The following ABCC8 variants were observed in gnomAD, a reference collection of about 807,000 sequenced individuals.
ABCC8 encodes ATP-binding cassette sub-family C member 8.
ABCC8 carries 137 observed loss-of-function variants against 188.0 expected under a neutral mutation model. The ratio of observed to expected loss-of-function variants is 0.73; its 90% CI spans 0.63 to 0.84. The LOEUF (loss-of-function observed/expected upper bound fraction) is 0.84. Ranked by LOEUF, ABCC8 falls within the 40% of genes least tolerant of loss-of-function variation. The pLI, the probability that ABCC8 is intolerant of heterozygous loss-of-function variation, is 0.00. For synonymous variants in ABCC8, 797 were observed against 846.5 expected (o/e 0.94, Z 1.01); for missense variants, 1,750 against 2,072.7 (o/e 0.84, Z 3.02).
intron 3 of ABCC8, among the ~76,000 whole-genome samples, chr11:17,467,741 T>G (rs1442959947): frequency 2.0e-5 from 3 of 152,102 alleles, no homozygotes. Context: ...CCAATACCCA[T>G]TTCCTTCTGT....
chr11:17,473,066 T>C (rs1444004569), intron 2 of ABCC8, among the ~76,000 whole-genome samples: 1 of 152,216 alleles, frequency 6.6e-6, no homozygotes, highest in Non-Finnish European at 1.5e-5. Flanking sequence ...AAATGTTTTA[T>C]CGTATGTTTA....
intron 5 of ABCC8, 94 bp downstream of exon 5, chr11:17,461,489 C>T: frequency 6.5e-7 from 1 of 1,529,594 alleles, no homozygotes; most frequent in Non-Finnish European, 9.0e-7. Flanking sequence ...CCTCTTGTCC[C>T]ACCAGGATTT....
chr11:17,409,912 G>A (rs999404007), intron 22 of ABCC8, among the ~76,000 whole-genome samples: 1 of 152,008 alleles, frequency 6.6e-6, no homozygotes, highest in Non-Finnish European at 1.5e-5. Context: ...TCAGAGACAA[G>A]GCTCTGTCGC....
chr11:17,467,513 G>C lies in ABCC8; in HGVS notation c.412+2588C>G, dbSNP rs190111878. Among the ~76,000 whole-genome samples, 13 of 152,206 alleles carry C rather than the reference G, an allele frequency of 8.5e-5. No individual in the cohort carries two copies. In the East Asian group the frequency reaches 1.9e-3, roughly 23 times the overall value. On this transcript the variant is annotated intron_variant, in intron 3 of 38. Coordinates refer to ENST00000389817, the MANE Select transcript of ABCC8 (RefSeq NM_000352.6). ...CTGCCTTGGGGCCTTTGCACATGCT[G>C]TTTCCTCTGCCTGAAGCACTCTTTC...
At chr11:17,475,409 G>A (rs1030631004) in intron 1 of ABCC8, among the ~76,000 whole-genome samples, 2 of 139,696 alleles carry the variant, frequency 1.4e-5, no homozygotes, top group Admixed American at 7.0e-5. Flanking sequence ...TAGAAAGGGC[G>A]GGGGGGGTCT....
intron 16 of ABCC8, among the ~76,000 whole-genome samples, chr11:17,424,877 G>C (rs1263368841): frequency 6.6e-6 from 1 of 152,202 alleles, no homozygotes; most frequent in East Asian, 1.9e-4. Context: ...CTGAGTTTCT[G>C]CTTCTGTGAA....
chr11:17,397,069 C>T (rs770512348), intron 32 of ABCC8, 23 bp from the exon 33 acceptor site: 5 of 1,614,082 alleles, frequency 3.1e-6, no homozygotes, highest in Non-Finnish European at 8.5e-7. Flanking sequence ...CTGGGCTCAG[C>T]CACCAGGCAT....
intron 1 of ABCC8, among the ~76,000 whole-genome samples, chr11:17,475,842 T>A (rs1470329550): frequency 6.6e-6 from 1 of 152,184 alleles, no homozygotes; most frequent in Non-Finnish European, 1.5e-5. Context: ...GGACACCCTA[T>A]GAGTTGATAG....
chr11:17,446,309 A>G (rs1462437039), intron 8 of ABCC8, among the ~76,000 whole-genome samples: 1 of 152,116 alleles, frequency 6.6e-6, no homozygotes, highest in Admixed American at 6.5e-5. Flanking sequence ...CACAACAGAA[A>G]GTGTCTTGTA....
chr11:17,399,303 A>G (rs1411905045), intron 29 of ABCC8, among the ~76,000 whole-genome samples: 1 of 140,514 alleles, frequency 7.1e-6, no homozygotes, highest in African/African-American at 2.7e-5. Context: ...AAAAAAAAAA[A>G]ACAAATAAAA....
At chr11:17,438,986 CG>C (rs1956210892) in intron 10 of ABCC8, among the ~76,000 whole-genome samples, 1 of 152,210 alleles carries the variant, frequency 6.6e-6, no homozygotes, top group African/African-American at 2.4e-5. Context: ...GTTCTGCTCT[CG>C]CTGCCACACT....
rs186951064 is a variant in ABCC8 at position 17,459,718 on chromosome 11, C to T, written c.1011+770G>A. Among the ~76,000 whole-genome samples, 38 of 152,296 alleles carry T rather than the reference C, an allele frequency of 2.5e-4. No individual in the cohort carries two copies. The East Asian group carries it at 4.4e-3, about 18-fold the overall frequency. ...CATTTTGTGGCCATTTAAACCTAAA[C>T]GGCTGCAAGGAAACAGACAACAGAG... On this transcript the variant is annotated intron_variant, in intron 6 of 38. Coordinates refer to ENST00000389817, the MANE Select transcript of ABCC8 (RefSeq NM_000352.6).
chr11:17,413,322 TGAG>T, intron 20 of ABCC8, 69 bp downstream of exon 20: 1 of 1,588,706 alleles, frequency 6.3e-7, no homozygotes, highest in African/African-American at 1.3e-5. Flanking sequence ...CCCATTGTCC[TGAG>T]TAGTGTCTCA....
chr11:17,438,756 G>A (rs1218759800), intron 10 of ABCC8, among the ~76,000 whole-genome samples: 1 of 152,092 alleles, frequency 6.6e-6, no homozygotes, highest in Non-Finnish European at 1.5e-5. Flanking sequence ...AGCCCACATT[G>A]CCCCTACATG....
intron 6 of ABCC8, among the ~76,000 whole-genome samples, chr11:17,459,493 A>G (rs939320279): frequency 5.9e-5 from 9 of 152,118 alleles, no homozygotes; most frequent in African/African-American, 1.7e-4. Context: ...ATGAACATAA[A>G]CCTCCTGAGG....
chr11:17,411,682 G>A (rs1954810803), intron 21 of ABCC8, among the ~76,000 whole-genome samples: 1 of 152,066 alleles, frequency 6.6e-6, no homozygotes, highest in African/African-American at 2.4e-5. Flanking sequence ...CCTCACAGTT[G>A]TCTCCCTGGA....
chr11:17,396,340 C>T (rs1953927258), intron 33 of ABCC8: 1 of 347,666 alleles, frequency 2.9e-6, no homozygotes, highest in African/African-American at 2.1e-5. Flanking sequence ...GATCCCGTTG[C>T]TTCCTGGCAC....
Position 17,443,307 on chromosome 11 carries a change from A to T in ABCC8, c.1338T>A (p.Ile446=), listed in dbSNP as rs1418841349. Residue 446 remains isoleucine (I), a synonymous_variant, in exon 9 of 39, where the codon ATT becomes ATA. Transcript: ENST00000389817. ...PNLWAMPVQI[I]VGVILLYYIL... ...TGTAGTAGAGGAGAATCACACCCAC[A>T]ATGATCTGAGGAAGGGGTCATGGGT... The T allele has an allele frequency of 6.2e-7, 1 of 1,613,990 alleles. No individual in the cohort carries two copies. The highest frequency in any genetic ancestry group is 8.5e-7 in the Non-Finnish European group (1 of 1,180,006).
intron 10 of ABCC8, among the ~76,000 whole-genome samples, chr11:17,439,601 C>G (rs1482525769): frequency 6.6e-6 from 1 of 152,122 alleles, no homozygotes; most frequent in Non-Finnish European, 1.5e-5. Context: ...TCTCTCTCCC[C>G]CTCCCACTGC....
Sources: gnomAD v4.1 joint callset for allele counts (sites outside exome capture counted in the v4.1 genomes callset) on GRCh38, gnomAD v4.1.1 for gene constraint, MANE v1.5 for transcripts, NCBI Gene and HGNC (gene_info 2026-07-23, HGNC 2026-07-21) for gene names.